The following FOXP1 variants were observed in gnomAD, a reference collection of about 807,000 sequenced individuals.
The protein encoded by FOXP1 is forkhead box protein P1.
In FOXP1, 15 loss-of-function variants were observed where a neutral mutation model predicts 98.2. That is an observed-to-expected ratio of 0.15 (90% CI 0.10 to 0.24). FOXP1 has a LOEUF of 0.24. FOXP1 is among the 10% of genes least tolerant of loss of function. FOXP1 has a pLI of 1.00. For missense variants in FOXP1, 633 were observed against 848.5 expected (o/e 0.75, Z 3.15); for synonymous variants, 371 against 314.5 (o/e 1.18, Z -1.90).
intron 3 of FOXP1, among the ~76,000 whole-genome samples, chr3:71,433,755 T>G (rs1482245449): frequency 6.6e-6 from 1 of 151,964 alleles, no homozygotes; most frequent in Non-Finnish European, 1.5e-5. Flanking sequence ...GCCCATCCAA[T>G]CCCCCACGTG....
chr3:71,459,297 T>C (rs972812309), intron 3 of FOXP1, among the ~76,000 whole-genome samples: 1 of 152,222 alleles, frequency 6.6e-6, no homozygotes, highest in Admixed American at 6.5e-5. Context: ...GAAGCACATT[T>C]GCATTTTTAA....
intron 4 of FOXP1, among the ~76,000 whole-genome samples, chr3:71,329,392 T>C (rs930346959): frequency 6.6e-6 from 1 of 151,830 alleles, no homozygotes; most frequent in Non-Finnish European, 1.5e-5. Context: ...GGCTAATTTT[T>C]TTGTATTTTT....
chr3:71,384,654 G>C lies in FOXP1; in HGVS notation c.-167-25410C>G, dbSNP rs571389728. On this transcript the variant is annotated intron_variant, in intron 3 of 20. Transcript: ENST00000649528. Reference sequence around the variant, plus strand: ...GTTGACACTGGTATGAGGACCTGCAGCATCTTATCACATATATTTTCCTAA... The same window carrying C: ...GTTGACACTGGTATGAGGACCTGCACCATCTTATCACATATATTTTCCTAA... 8.2e-4 allele frequency among the ~76,000 whole-genome samples: 125 copies of C among 152,354 alleles called. 1 individual carries two copies. The highest frequency in any genetic ancestry group is 1.1e-3 in the Non-Finnish European group (74 of 68,034).
At chr3:71,516,152 C>T (rs1023427078) in intron 2 of FOXP1, among the ~76,000 whole-genome samples, 1 of 152,120 alleles carries the variant, frequency 6.6e-6, no homozygotes, top group Non-Finnish European at 1.5e-5. Context: ...CTAAACCTCC[C>T]GCTTGATTAA....
At chr3:71,429,877 C>T (rs924904426) in intron 3 of FOXP1, among the ~76,000 whole-genome samples, 1 of 152,182 alleles carries the variant, frequency 6.6e-6, no homozygotes, top group South Asian at 2.1e-4. Flanking sequence ...GTTTATTCCT[C>T]ACTCTAAAAC....
intron 3 of FOXP1, among the ~76,000 whole-genome samples, chr3:71,365,649 T>C (rs2078870784): frequency 6.6e-6 from 1 of 152,166 alleles, no homozygotes; most frequent in South Asian, 2.1e-4. Flanking sequence ...AAATCAGGCA[T>C]GAAGATTCCC....
chr3:71,553,864 A>C (rs1167347557), intron 2 of FOXP1, among the ~76,000 whole-genome samples: 1 of 152,214 alleles, frequency 6.6e-6, no homozygotes, highest in Non-Finnish European at 1.5e-5. Context: ...TTGGTTATCT[A>C]CGTATATATA....
rs573675288 is a variant in FOXP1 at position 71,568,812 on chromosome 3, A to C, written c.-298+12737T>G. On this transcript the variant is annotated intron_variant, in intron 2 of 20. Coordinates refer to ENST00000649528, the MANE Select transcript of FOXP1 (RefSeq NM_001349338.3). ...CAGGCATGAGCCACCACGCCCGGCT[A>C]ATTTTTGTATTTTTAGTAGAGACGA... Among the ~76,000 whole-genome samples the C allele has an allele frequency of 3.9e-5, 6 of 152,080 alleles. No individual in the cohort carries two copies. The South Asian group carries it at 1.2e-3, about 32-fold the overall frequency.
rs544083512 is a variant in FOXP1, at chr3:71,338,099, T to C, written c.-73+21051A>G. Among the ~76,000 whole-genome samples the C allele has an allele frequency of 2.6e-5, 4 of 152,248 alleles. No homozygotes were observed. The South Asian group carries it at 8.3e-4, about 32-fold the overall frequency. ...GAAAAAATGAAAGCATGGCTTATGC[T>C]CTCATAAAATGTTTCTAAGCAGGAT... On this transcript the variant is annotated intron_variant, in intron 4 of 20. Coordinates refer to ENST00000649528, the MANE Select transcript of FOXP1 (RefSeq NM_001349338.3).
intron 3 of FOXP1, among the ~76,000 whole-genome samples, chr3:71,474,790 C>T (rs1003503767): frequency 5.3e-5 from 8 of 152,004 alleles, no homozygotes; most frequent in African/African-American, 1.9e-4. Flanking sequence ...TGTATAATTA[C>T]TTCATTATAT....
intron 2 of FOXP1, among the ~76,000 whole-genome samples, chr3:71,556,201 T>C (rs1198180849): frequency 6.6e-6 from 1 of 152,072 alleles, no homozygotes; most frequent in East Asian, 1.9e-4. Context: ...GCACTGCAAA[T>C]GGCCAGAAAC....
At chr3:70,978,662 A>T (rs1340226047) in intron 14 of FOXP1, among the ~76,000 whole-genome samples, 1 of 152,184 alleles carries the variant, frequency 6.6e-6, no homozygotes, top group Non-Finnish European at 1.5e-5. Context: ...ACTCCTGCAA[A>T]TATGTGTGGC....
intron 5 of FOXP1, among the ~76,000 whole-genome samples, chr3:71,280,263 C>G (rs1427642077): frequency 1.3e-5 from 2 of 150,902 alleles, no homozygotes; most frequent in African/African-American, 4.9e-5. Flanking sequence ...ATATTTAAAA[C>G]ATTATCATCA....
chr3:71,501,493 C>T (rs1173589053), intron 2 of FOXP1, among the ~76,000 whole-genome samples: 4 of 151,988 alleles, frequency 2.6e-5, no homozygotes, highest in Non-Finnish European at 4.4e-5. Context: ...GAGGGTTTCA[C>T]CATGTTGGCC....
At chr3:71,231,848 C>T (rs934859218) in intron 5 of FOXP1, among the ~76,000 whole-genome samples, 11 of 152,134 alleles carry the variant, frequency 7.2e-5, no homozygotes, top group South Asian at 2.1e-4. Flanking sequence ...AAATTTAGAA[C>T]GAGGGGAACA....
intron 10 of FOXP1, among the ~76,000 whole-genome samples, chr3:71,046,274 T>C (rs528742559): frequency 1.3e-5 from 2 of 152,216 alleles, no homozygotes; most frequent in Non-Finnish European, 2.9e-5. Flanking sequence ...GTCAGTGGGC[T>C]TTGTAAAAGA....
At chr3:71,542,940 G>A (rs1398674789) in intron 2 of FOXP1, among the ~76,000 whole-genome samples, 2 of 152,344 alleles carry the variant, frequency 1.3e-5, no homozygotes, top group Non-Finnish European at 1.5e-5. Context: ...TTCGCTCTCC[G>A]AGCCTCGGTA....
chr3:71,530,156 T>A (rs980233940), intron 2 of FOXP1, among the ~76,000 whole-genome samples: 12 of 152,150 alleles, frequency 7.9e-5, no homozygotes, highest in Non-Finnish European at 1.5e-4. Context: ...AGTTTATGCG[T>A]AGAATCTTAA....
intron 3 of FOXP1, among the ~76,000 whole-genome samples, chr3:71,423,011 G>C (rs775074978): frequency 6.6e-6 from 1 of 152,124 alleles, no homozygotes; most frequent in Non-Finnish European, 1.5e-5. Context: ...AGCCAGGAAA[G>C]AGCTGCCTGA....
Sources: allele counts gnomAD v4.1 joint callset (sites outside exome capture counted in the v4.1 genomes callset), GRCh38; gene constraint gnomAD v4.1.1; transcripts MANE v1.5; gene names NCBI Gene and HGNC (gene_info 2026-07-23, HGNC 2026-07-21).